The following ARHGAP15 variants were observed in gnomAD, a reference collection of about 807,000 sequenced individuals.
ARHGAP15 encodes the protein Rho GTPase activating protein 15.
ARHGAP15 carries 51 observed loss-of-function variants against 63.7 expected under a neutral mutation model. The ratio of observed to expected loss-of-function variants is 0.80; its 90% CI spans 0.64 to 1.01. The LOEUF (loss-of-function observed/expected upper bound fraction) is 1.01, where lower values mean the gene tolerates loss of function less well. ARHGAP15 is among the 50% of genes least tolerant of loss of function. The pLI is 0.00. For missense variants in ARHGAP15, 560 were observed against 564.6 expected, an observed-to-expected ratio of 0.99 and a Z score of 0.08; for synonymous variants, 191 against 193.8, an observed-to-expected ratio of 0.99 and a Z score of 0.12.
At chr2:143,746,358 C>G (rs1283927551) in intron 13 of ARHGAP15, among the ~76,000 whole-genome samples, 1 of 151,934 alleles carries the variant, frequency 6.6e-6, no homozygotes, top group East Asian at 1.9e-4. Context: ...TCCAGTCATC[C>G]TCTGTAATTT....
chr2:143,201,383 C>A (rs1467221400), intron 2 of ARHGAP15, among the ~76,000 whole-genome samples: 1 of 151,890 alleles, frequency 6.6e-6, no homozygotes, highest in African/African-American at 2.4e-5. Context: ...ATTAGGGGTA[C>A]ATAATGGGCA....
chr2:143,470,954 G>A (rs186476793), intron 8 of ARHGAP15, among the ~76,000 whole-genome samples: 4 of 136,204 alleles, frequency 2.9e-5, no homozygotes, highest in African/African-American at 1.0e-4. Context: ...ATACACACAT[G>A]TGTATCATAT....
chr2:143,351,910 C>A (rs996968999), intron 6 of ARHGAP15, among the ~76,000 whole-genome samples: 5 of 152,048 alleles, frequency 3.3e-5, no homozygotes, highest in African/African-American at 1.2e-4. Flanking sequence ...CTTTTCTTAT[C>A]TAAAATATAA....
chr2:143,306,973 C>T (rs1281973147), intron 6 of ARHGAP15, among the ~76,000 whole-genome samples: 1 of 152,052 alleles, frequency 6.6e-6, no homozygotes, highest in Non-Finnish European at 1.5e-5. Context: ...GCTATGAAGT[C>T]GTCAGTGGGG....
chr2:143,173,159 A>C (rs974151405), intron 2 of ARHGAP15, among the ~76,000 whole-genome samples: 1 of 152,110 alleles, frequency 6.6e-6, no homozygotes, highest in African/African-American at 2.4e-5. Context: ...ATTGAAAATG[A>C]GTCAAAACTA....
intron 12 of ARHGAP15, among the ~76,000 whole-genome samples, chr2:143,654,002 C>T (rs188074471): frequency 3.6e-4 from 55 of 152,078 alleles, no homozygotes; most frequent in South Asian, 6.2e-4. Context: ...TGAAATATTA[C>T]GTGTATATTT....
intron 6 of ARHGAP15, among the ~76,000 whole-genome samples, chr2:143,430,842 T>C (rs935622369): frequency 6.6e-6 from 1 of 152,048 alleles, no homozygotes; most frequent in African/African-American, 2.4e-5. Flanking sequence ...CCATATTATT[T>C]AACATGTTTT....
intron 1 of ARHGAP15, among the ~76,000 whole-genome samples, chr2:143,136,259 G>C (rs1415473636): frequency 6.6e-6 from 1 of 151,394 alleles, no homozygotes; most frequent in African/African-American, 2.4e-5. Flanking sequence ...CTGTTCACGT[G>C]ACTTTTCTCA....
intron 6 of ARHGAP15, among the ~76,000 whole-genome samples, chr2:143,386,889 C>T (rs1687310008): frequency 6.6e-6 from 1 of 151,776 alleles, no homozygotes; most frequent in Non-Finnish European, 1.5e-5. Context: ...TTATCCTTAG[C>T]AAACTAATGC....
At chr2:143,531,490 T>C (rs1694522327) in intron 10 of ARHGAP15, among the ~76,000 whole-genome samples, 1 of 152,190 alleles carries the variant, frequency 6.6e-6, no homozygotes, top group South Asian at 2.1e-4. Flanking sequence ...TCTTTGTAAA[T>C]AGCAGGTTTA....
intron 13 of ARHGAP15, among the ~76,000 whole-genome samples, chr2:143,705,728 CT>C (rs34962510): frequency 1.3e-5 from 2 of 151,756 alleles, no homozygotes; most frequent in Admixed American, 6.6e-5. Context: ...CAATTATTCC[CT>C]TTTTTTTCAA....
At chr2:143,275,871 T>C (rs1242914276) in intron 6 of ARHGAP15, among the ~76,000 whole-genome samples, 1 of 152,194 alleles carries the variant, frequency 6.6e-6, no homozygotes, top group African/African-American at 2.4e-5. Flanking sequence ...GCCATTTCCC[T>C]CCTGGTGTGC....
At chr2:143,312,344 T>C (rs1683487014) in intron 6 of ARHGAP15, among the ~76,000 whole-genome samples, 1 of 152,128 alleles carries the variant, frequency 6.6e-6, no homozygotes, top group Non-Finnish European at 1.5e-5. Context: ...TTAGTCCTCA[T>C]TTATAATCAA....
chr2:143,428,505 A>G (rs1689228593), intron 6 of ARHGAP15, among the ~76,000 whole-genome samples: 1 of 151,986 alleles, frequency 6.6e-6, no homozygotes, highest in African/African-American at 2.4e-5. Context: ...CTTGAAGGAA[A>G]AACATGGATG....
intron 6 of ARHGAP15, among the ~76,000 whole-genome samples, chr2:143,341,241 A>G (rs1219595015): frequency 2.0e-5 from 3 of 151,996 alleles, no homozygotes; most frequent in African/African-American, 7.2e-5. Flanking sequence ...TTTCGTATTC[A>G]TTATCTTAGA....
chr2:143,730,181 A>T (rs1247140263), intron 13 of ARHGAP15, among the ~76,000 whole-genome samples: 1 of 152,214 alleles, frequency 6.6e-6, no homozygotes, highest in Non-Finnish European at 1.5e-5. Context: ...TAGAGTAGAA[A>T]TTCCAAAATA....
intron 1 of ARHGAP15, among the ~76,000 whole-genome samples, chr2:143,142,515 G>T (rs959165392): frequency 6.6e-6 from 1 of 152,018 alleles, no homozygotes; most frequent in African/African-American, 2.4e-5. Flanking sequence ...ATCATTAAAA[G>T]ATGTCTCTAA....
intron 13 of ARHGAP15, among the ~76,000 whole-genome samples, chr2:143,704,677 C>T (rs908828516): frequency 2.0e-5 from 3 of 152,114 alleles, no homozygotes; most frequent in Non-Finnish European, 4.4e-5. Context: ...GAGGTTTTAG[C>T]TTTCATGATA....
intron 12 of ARHGAP15, among the ~76,000 whole-genome samples, chr2:143,640,558 G>A (rs570669899): frequency 1.3e-5 from 2 of 152,102 alleles, no homozygotes; most frequent in Admixed American, 1.3e-4. Context: ...AGAGAAAAAG[G>A]GAAAAATTAA....
Sources: gnomAD v4.1 joint callset for allele counts (sites outside exome capture counted in the v4.1 genomes callset) on GRCh38, gnomAD v4.1.1 for gene constraint, MANE v1.5 for transcripts, NCBI Gene and HGNC (gene_info 2026-07-23, HGNC 2026-07-21) for gene names.